The following MICU2 variants were observed in gnomAD, a reference collection of about 807,000 sequenced individuals.
MICU2 encodes calcium uptake protein 2, mitochondrial.
In MICU2, 64 loss-of-function variants were observed where a neutral mutation model predicts 60.4. The ratio of observed to expected loss-of-function variants is 1.06; its 90% CI spans 0.87 to 1.31. The LOEUF (loss-of-function observed/expected upper bound fraction) is 1.31. Among genes scored for constraint, MICU2 ranks in the 50% most tolerant of loss-of-function variants. The pLI is 0.00. For missense variants in MICU2, 569 were observed against 531.0 expected (o/e 1.07, Z -0.70); for synonymous variants, 201 against 175.0 (o/e 1.15, Z -1.17).
chr13:21,603,869 A>T, intron 1 of MICU2, 70 bp downstream of exon 1: 1 of 1,548,030 alleles, frequency 6.5e-7, no homozygotes, highest in Non-Finnish European at 8.8e-7. Flanking sequence ...GAGCCAAACC[A>T]CTCCCCGCCT....
chr13:21,530,478 A>AC, intron 4 of MICU2, among the ~76,000 whole-genome samples: 1 of 151,686 alleles, frequency 6.6e-6, no homozygotes, highest in South Asian at 2.1e-4. Flanking sequence ...CAAAAAAAAA[A>AC]AATCCTGGAA....
At chr13:21,496,887 C>G (rs1210328343) in intron 9 of MICU2, among the ~76,000 whole-genome samples, 1 of 151,990 alleles carries the variant, frequency 6.6e-6, no homozygotes, top group Non-Finnish European at 1.5e-5. Flanking sequence ...AATCCCTTCT[C>G]TACTAAAAAC....
At chr13:21,573,881 A>G (rs1167008791) in intron 1 of MICU2, among the ~76,000 whole-genome samples, 1 of 152,228 alleles carries the variant, frequency 6.6e-6, no homozygotes, top group Admixed American at 6.5e-5. Context: ...GCAAAATTGG[A>G]GAGAATTTTT....
At chr13:21,550,579 G>T (rs1235353552) in intron 2 of MICU2, among the ~76,000 whole-genome samples, 2 of 152,066 alleles carry the variant, frequency 1.3e-5, no homozygotes, top group Non-Finnish European at 2.9e-5. Context: ...TTTTGCAGGG[G>T]TCTACCAATT....
At chr13:21,602,848 T>C (rs1593364850) in intron 1 of MICU2, 1 of 151,778 alleles carries the variant, frequency 6.6e-6, no homozygotes, top group East Asian at 1.9e-4. Flanking sequence ...ACTACTACTT[T>C]CAATTTTCAA....
chr13:21,574,175 C>T (rs1026364524), intron 1 of MICU2, among the ~76,000 whole-genome samples: 3 of 152,142 alleles, frequency 2.0e-5, no homozygotes, highest in African/African-American at 7.2e-5. Flanking sequence ...CCTATCCCTA[C>T]CCGAGATGCA....
chr13:21,572,527 C>A (rs1327039058), intron 1 of MICU2, among the ~76,000 whole-genome samples: 1 of 152,158 alleles, frequency 6.6e-6, no homozygotes, highest in Admixed American at 6.5e-5. Flanking sequence ...TTCACATTAT[C>A]AGTGTAGAAT....
chr13:21,497,041 G>T (rs1886016921), intron 9 of MICU2, among the ~76,000 whole-genome samples: 1 of 151,828 alleles, frequency 6.6e-6, no homozygotes, highest in African/African-American at 2.4e-5. Flanking sequence ...CAGCCTGGGC[G>T]ACAGAGCGAG....
chr13:21,559,214 G>A (rs1443235823), intron 2 of MICU2, among the ~76,000 whole-genome samples: 1 of 152,168 alleles, frequency 6.6e-6, no homozygotes, highest in African/African-American at 2.4e-5. Context: ...AGTTACTCAT[G>A]CTGCCATGAT....
At chr13:21,515,183 G>C (rs554757875) in intron 6 of MICU2, among the ~76,000 whole-genome samples, 4 of 151,302 alleles carry the variant, frequency 2.6e-5, no homozygotes, top group African/African-American at 7.3e-5. Flanking sequence ...CCGGGTTCAC[G>C]CCATTCTCCT....
At chr13:21,592,359 G>A (rs1383414465) in intron 1 of MICU2, among the ~76,000 whole-genome samples, 1 of 152,142 alleles carries the variant, frequency 6.6e-6, no homozygotes, top group Non-Finnish European at 1.5e-5. Flanking sequence ...CTGGGAAACT[G>A]AGGCAGTAAT....
At chr13:21,549,156 C>A (rs896434222) in intron 2 of MICU2, among the ~76,000 whole-genome samples, 6 of 151,912 alleles carry the variant, frequency 3.9e-5, no homozygotes, top group Non-Finnish European at 8.8e-5. Flanking sequence ...GTCTTGATCT[C>A]CTGACCTCGT....
rs9506697 is a variant in MICU2, at chr13:21,531,394, G to C, written c.466+7908C>G. 1.4e-5 allele frequency: 14 copies of C among 1,021,704 alleles called. No homozygotes were observed. The African/African-American group carries it at 1.9e-4, about 14-fold the overall frequency. 63.3% of individuals were successfully genotyped at this position (1,021,704 alleles called of 1,614,324 possible). A position where few individuals can be genotyped will look rare whatever the true frequency, so the allele number is the denominator to read the frequency against. ...AAGGGACCCTGCAGGAGTTTAAAAC[G>C]AGAGTGGTCCTTCCCTTTGCCTGTG... On this transcript the variant is annotated intron_variant, in intron 4 of 11. Transcript: ENST00000382374.
intron 8 of MICU2, among the ~76,000 whole-genome samples, chr13:21,508,128 C>A (rs1593316890): frequency 7.3e-6 from 1 of 136,902 alleles, no homozygotes; most frequent in Non-Finnish European, 1.6e-5. Flanking sequence ...GCTCTTCTTT[C>A]TTTTTTTTTT....
chr13:21,508,381 T>C (rs1049427991), intron 8 of MICU2, among the ~76,000 whole-genome samples: 14 of 152,110 alleles, frequency 9.2e-5, no homozygotes, highest in East Asian at 1.9e-4. Flanking sequence ...ACCTCGGCCT[T>C]CCAAAGTGCC....
At chr13:21,602,836 AAACT>A (rs1888856269) in intron 1 of MICU2, 1 of 152,334 alleles carries the variant, frequency 6.6e-6, no homozygotes, top group East Asian at 1.9e-4. Context: ...AGAAAATAAT[AAACT>A]ACTACTTTCA....
intron 2 of MICU2, among the ~76,000 whole-genome samples, chr13:21,564,933 T>C (rs1200831215): frequency 1.3e-5 from 2 of 152,120 alleles, no homozygotes; most frequent in African/African-American, 4.8e-5. Context: ...AATTACCCTT[T>C]AAATATTCCT....
intron 4 of MICU2, among the ~76,000 whole-genome samples, chr13:21,535,342 CA>C (rs1566151130): frequency 1.3e-5 from 2 of 152,048 alleles, no homozygotes; most frequent in Non-Finnish European, 2.9e-5. Flanking sequence ...ATCAAATAAT[CA>C]TAAGATAACT....
chr13:21,577,445 A>G (rs1888250336), intron 1 of MICU2, among the ~76,000 whole-genome samples: 1 of 152,042 alleles, frequency 6.6e-6, no homozygotes, highest in Non-Finnish European at 1.5e-5. Context: ...ACTTCAGGCC[A>G]GGAGTTGTAG....
Sources: gnomAD v4.1 joint callset for allele counts (sites outside exome capture counted in the v4.1 genomes callset) on GRCh38, gnomAD v4.1.1 for gene constraint, MANE v1.5 for transcripts, NCBI Gene and HGNC (gene_info 2026-07-23, HGNC 2026-07-21) for gene names.